The following LITAF variants were observed in gnomAD, a reference collection of about 807,000 sequenced individuals.
LITAF encodes lipopolysaccharide induced TNF factor.
Under a neutral mutation model 14.5 loss-of-function variants are expected in LITAF, and 9 were observed. The ratio of observed to expected loss-of-function variants is 0.62; its 90% confidence interval spans 0.37 to 1.08. LITAF has a LOEUF of 1.08. LITAF is among the 50% of genes least tolerant of loss of function. The pLI is 0.01. For missense variants in LITAF, 206 were observed against 213.4 expected (o/e 0.97, Z 0.22); for synonymous variants, 98 against 88.2 (o/e 1.11, Z -0.62).
intron 3 of LITAF, among the ~76,000 whole-genome samples, chr16:11,631,789 G>T (rs932579789): frequency 2.0e-5 from 3 of 151,970 alleles, no homozygotes; most frequent in African/African-American, 7.3e-5. Flanking sequence ...CTAAATCCAG[G>T]ATGATCTCAT....
intron 3 of LITAF, among the ~76,000 whole-genome samples, chr16:11,630,640 G>A (rs1288751129): frequency 6.7e-6 from 1 of 148,534 alleles, no homozygotes; most frequent in Non-Finnish European, 1.5e-5. Flanking sequence ...GTGCAGTGGT[G>A]AGATCAAAGC....
At chr16:11,638,406 G>GA (rs918427783), upstream of LITAF, among the ~76,000 whole-genome samples, 3 of 151,848 alleles carry the variant, frequency 2.0e-5, no homozygotes, top group South Asian at 4.1e-4. Context: ...AACTCAGAGG[G>GA]AAAAAATACA....
intron 1 of LITAF, among the ~76,000 whole-genome samples, chr16:11,580,777 T>C (rs1030872077): frequency 4.5e-4 from 67 of 149,442 alleles, no homozygotes; most frequent in Non-Finnish European, 8.8e-4. Context: ...TTTTTCTTTT[T>C]TATTTTGAGA....
chr16:11,639,055 G>C (rs574207062), upstream of LITAF, among the ~76,000 whole-genome samples: 140 of 152,216 alleles, frequency 9.2e-4, no homozygotes, highest in African/African-American at 3.2e-3. Flanking sequence ...GTTAGGTAGA[G>C]AGAGGGATAG....
chr16:11,623,061 T>C (rs932418308), intron 3 of LITAF, among the ~76,000 whole-genome samples: 12 of 151,526 alleles, frequency 7.9e-5, no homozygotes, highest in African/African-American at 2.4e-4. Context: ...CCTCCTGGGT[T>C]CATGTCATTC....
chr16:11,556,405 C>T, intron 2 of LITAF, 106 bp downstream of exon 2: 1 of 937,074 alleles, frequency 1.1e-6, no homozygotes, highest in Non-Finnish European at 1.6e-6. Context: ...CTGGAACGTA[C>T]TGGCACTTCA....
At chr16:11,588,922 G>A (rs974891271), upstream of LITAF, among the ~76,000 whole-genome samples, 1 of 147,566 alleles carries the variant, frequency 6.8e-6, no homozygotes, top group Non-Finnish European at 1.5e-5. Context: ...CTTCCTTCCT[G>A]TAAAAAGCAG....
chr16:11,617,426 C>CTTTTTTTTTTTTTT, intron 3 of LITAF, among the ~76,000 whole-genome samples: 2 of 73,714 alleles, frequency 2.7e-5, no homozygotes, highest in Non-Finnish European at 4.8e-5. Context: ...TGGCTTCACT[C>CTTTTTTTTTTTTTT]TTTTTTTTTT....
At chr16:11,555,622 G>A (rs1396881327) in intron 2 of LITAF, among the ~76,000 whole-genome samples, 1 of 149,666 alleles carries the variant, frequency 6.7e-6, no homozygotes, top group African/African-American at 2.5e-5. Flanking sequence ...CTGCACCACT[G>A]CACTCCAACC....
intron 1 of LITAF, among the ~76,000 whole-genome samples, chr16:11,581,916 T>C (rs146575487): frequency 6.6e-6 from 1 of 152,174 alleles, no homozygotes; most frequent in African/African-American, 2.4e-5. Context: ...AAAAGAACTG[T>C]GGTTACTGGA....
At chr16:11,637,294 G>A (rs1193315658), upstream of LITAF, among the ~76,000 whole-genome samples, 1 of 152,232 alleles carries the variant, frequency 6.6e-6, no homozygotes, top group Non-Finnish European at 1.5e-5. Context: ...TTGGGTCAGT[G>A]TGGCTGCCTT....
chr16:11,615,553 A>G (rs1347658938), intron 3 of LITAF, among the ~76,000 whole-genome samples: 3 of 152,126 alleles, frequency 2.0e-5, no homozygotes, highest in Non-Finnish European at 4.4e-5. Flanking sequence ...ATAAATAAAT[A>G]GCCAGGTGTG....
chr16:11,566,768 T>G (rs868714448), intron 1 of LITAF, among the ~76,000 whole-genome samples: 1 of 149,754 alleles, frequency 6.7e-6, no homozygotes, highest in Admixed American at 6.7e-5. Flanking sequence ...GGGGGGCGCA[T>G]GGACAGAGGA....
chr16:11,572,932 CTT>C (rs34208466), intron 1 of LITAF, among the ~76,000 whole-genome samples: 2 of 143,196 alleles, frequency 1.4e-5, no homozygotes, highest in Admixed American at 7.0e-5. Flanking sequence ...ATCTCAAGCT[CTT>C]TTTTTTTTTT....
rs1477078159 is a variant in LITAF, at chr16:11,548,256, C to G, written c.*1381G>C. ...AAACGAGGACCCTTGAAGGTCGAGC[C>G]CAGCTTTGTCTTGACTTCAAAGATG... is the stretch of plus-strand genomic sequence containing the variant. On this transcript the variant is annotated 3_prime_UTR_variant, in exon 4 of 4. Transcript: ENST00000622633. The G allele has an allele frequency of 4.4e-6, 2 of 453,906 alleles. No homozygotes were observed. Among genetic ancestry groups the G allele is most frequent in the East Asian group, 1.4e-4 (2 of 14,408 alleles). 28.1% of individuals were successfully genotyped at this position (453,906 alleles called of 1,614,324 possible). A position where few individuals can be genotyped will look rare whatever the true frequency, so the allele number is the denominator to read the frequency against.
chr16:11,551,564 T>C (rs1316704063), intron 3 of LITAF: 2 of 468,930 alleles, frequency 4.3e-6, no homozygotes, highest in Non-Finnish European at 7.6e-6. Flanking sequence ...TATTCCTCTA[T>C]AATCCCAGCA....
intron 1 of LITAF, among the ~76,000 whole-genome samples, chr16:11,562,993 T>C (rs1049407785): frequency 6.6e-6 from 1 of 151,700 alleles, no homozygotes; most frequent in African/African-American, 2.4e-5. Flanking sequence ...CCAGACACGG[T>C]TGCACAAACT....
intron 2 of LITAF, among the ~76,000 whole-genome samples, chr16:11,635,566 A>T (rs1031212027): frequency 2.6e-5 from 4 of 152,140 alleles, no homozygotes; most frequent in African/African-American, 9.7e-5. Context: ...TGTCCGCCTG[A>T]CTGCAGATAT....
At chr16:11,566,804 A>G (rs2064458301) in intron 1 of LITAF, among the ~76,000 whole-genome samples, 1 of 152,092 alleles carries the variant, frequency 6.6e-6, no homozygotes, top group Non-Finnish European at 1.5e-5. Flanking sequence ...TTAAAAAAAA[A>G]AAAAGATTTA....
Sources: gnomAD v4.1 joint callset for allele counts (sites outside exome capture counted in the v4.1 genomes callset) on GRCh38, gnomAD v4.1.1 for gene constraint, MANE v1.5 for transcripts, NCBI Gene and HGNC (gene_info 2026-07-23, HGNC 2026-07-21) for gene names.